The following FAS variants were observed in gnomAD, a reference collection of about 807,000 sequenced individuals.
FAS encodes the protein Fas cell surface death receptor, also known as tumor necrosis factor receptor superfamily member 6.
Under a neutral mutation model 33.2 loss-of-function variants are expected in FAS, and 5 were observed. That is an observed-to-expected ratio of 0.15 (90% CI 0.08 to 0.32). The LOEUF (loss-of-function observed/expected upper bound fraction) is 0.32, where lower values mean the gene tolerates loss of function less well. Ranked by LOEUF, FAS falls within the 10% of genes least tolerant of loss-of-function variation. The pLI is 1.00. For missense variants in FAS, 339 were observed against 386.0 expected (o/e 0.88, Z 1.02); for synonymous variants, 131 against 130.7 (o/e 1.00, Z -0.01).
At chr10:88,985,926 G>C (rs915377909), upstream of FAS, among the ~76,000 whole-genome samples, 1 of 152,220 alleles carries the variant, frequency 6.6e-6, no homozygotes, top group Admixed American at 6.5e-5. Context: ...TTATTGGCAT[G>C]CAGGCAAATA....
chr10:88,976,427 G>A (rs1846566131), intron 2 of FAS, among the ~76,000 whole-genome samples: 1 of 152,172 alleles, frequency 6.6e-6, no homozygotes, highest in Non-Finnish European at 1.5e-5. Context: ...ATAGGCCAAG[G>A]AAAATATATT....
intron 1 of FAS, among the ~76,000 whole-genome samples, chr10:88,995,931 A>G (rs1847560960): frequency 6.6e-6 from 1 of 152,216 alleles, no homozygotes; most frequent in Admixed American, 6.5e-5. Context: ...CAGCCCAGCA[A>G]AGTGAGCAAG....
intron 2 of FAS, among the ~76,000 whole-genome samples, chr10:88,976,286 G>A (rs1846561888): frequency 6.6e-6 from 1 of 152,138 alleles, no homozygotes; most frequent in Non-Finnish European, 1.5e-5. Context: ...GCCATCCTGG[G>A]CTGCATGTGG....
Position 89,014,717 on chromosome 10 carries a change from G to T in FAS, c.*267G>T. ...ATAGGAGTGTATGCAGAGGATGAAA[G>T]ATTAAGATTATGCTCTGGCATCTAA... On this transcript the variant is annotated 3_prime_UTR_variant, in exon 9 of 9. Coordinates refer to ENST00000652046, the MANE Select transcript of FAS (RefSeq NM_000043.6). 1 of 623,446 alleles carries T rather than the reference G, an allele frequency of 1.6e-6. No individual in the cohort carries two copies. The allele number at this position is 623,446 out of a possible 1,614,324, so 38.6% of individuals were successfully genotyped here.
intron 8 of FAS, among the ~76,000 whole-genome samples, chr10:89,013,699 T>C (rs529527598): frequency 2.0e-5 from 3 of 152,344 alleles, no homozygotes; most frequent in Non-Finnish European, 2.9e-5. Context: ...ATTATCAGTG[T>C]ACCCAACTCT....
At chr10:88,968,842 T>C (rs975458363) in intron 1 of FAS, among the ~76,000 whole-genome samples, 7 of 152,180 alleles carry the variant, frequency 4.6e-5, no homozygotes, top group African/African-American at 1.7e-4. Context: ...TTATACCTTA[T>C]TCATCCCTTT....
rs9658693 is a variant in FAS, at chr10:88,996,540, A to G, written c.30+5634A>G. On this transcript the variant is annotated intron_variant, in intron 1 of 8. Transcript: ENST00000652046. ...AGATCTAGTGTACAACTTGATGTCTATAGCTAATAACAATGTATTGTATAC... is the reference window on the plus strand; with the variant it reads ...AGATCTAGTGTACAACTTGATGTCTGTAGCTAATAACAATGTATTGTATAC... Among the ~76,000 whole-genome samples the G allele has an allele frequency of 4.8e-4, 73 of 152,318 alleles. No individual in the cohort carries two copies. The South Asian group carries it at 0.014, about 29-fold the overall frequency.
chr10:89,005,144 G>T (rs1212637912), intron 2 of FAS, among the ~76,000 whole-genome samples: 7 of 131,168 alleles, frequency 5.3e-5, no homozygotes, highest in African/African-American at 1.1e-4. Flanking sequence ...GAGATTATTG[G>T]TATGTTTATG....
intron 1 of FAS, among the ~76,000 whole-genome samples, chr10:88,965,767 G>A (rs373474283): frequency 2.0e-5 from 3 of 152,192 alleles, no homozygotes; most frequent in East Asian, 3.8e-4. Context: ...TAAAGAAACA[G>A]CAGACTCCAT....
At chr10:88,993,974 A>AC (rs1447175558) in intron 1 of FAS, among the ~76,000 whole-genome samples, 1 of 152,204 alleles carries the variant, frequency 6.6e-6, no homozygotes, top group African/African-American at 2.4e-5. Context: ...AAATGGCAGC[A>AC]CCCCCACTAC....
chr10:88,999,989 T>C (rs1847834748), intron 1 of FAS, among the ~76,000 whole-genome samples: 1 of 152,252 alleles, frequency 6.6e-6, no homozygotes, highest in South Asian at 2.1e-4. Context: ...TAAAAAGTTC[T>C]CTTTAGTGTA....
chr10:88,992,846 T>G (rs1449110139), intron 1 of FAS, among the ~76,000 whole-genome samples: 3 of 152,196 alleles, frequency 2.0e-5, no homozygotes, highest in Non-Finnish European at 4.4e-5. Flanking sequence ...GCCTTTATCC[T>G]TAAAGAAGTT....
At chr10:88,981,403 G>T (rs533440198) in intron 2 of FAS, among the ~76,000 whole-genome samples, 2 of 150,922 alleles carry the variant, frequency 1.3e-5, no homozygotes, top group Middle Eastern at 3.4e-3. Context: ...TTAAAGAACT[G>T]GCCATTGCTT....
At chr10:88,983,785 T>A (rs1177549614), upstream of FAS, among the ~76,000 whole-genome samples, 1 of 152,210 alleles carries the variant, frequency 6.6e-6, no homozygotes, top group African/African-American at 2.4e-5. Flanking sequence ...AAAATAAGTT[T>A]GAAGAAATTT....
At chr10:88,967,400 T>C (rs1456825334) in intron 1 of FAS, among the ~76,000 whole-genome samples, 1 of 152,162 alleles carries the variant, frequency 6.6e-6, no homozygotes, top group African/African-American at 2.4e-5. Flanking sequence ...ACCTCAGTTT[T>C]TTCATCTATA....
intron 1 of FAS, among the ~76,000 whole-genome samples, chr10:88,993,317 T>TTTTA (rs397953719): frequency 4.3e-4 from 65 of 151,966 alleles, no homozygotes; most frequent in African/African-American, 1.4e-3. Flanking sequence ...TTTTTTTTTT[T>TTTTA]ATTGTGCATG....
intron 6 of FAS, among the ~76,000 whole-genome samples, chr10:89,011,410 A>G (rs1848521557): frequency 1.3e-5 from 2 of 152,210 alleles, no homozygotes; most frequent in Non-Finnish European, 2.9e-5. Flanking sequence ...ACTTAGAAGT[A>G]TTCAATTTTC....
chr10:89,003,617 C>G (rs924724912), intron 2 of FAS, among the ~76,000 whole-genome samples: 4 of 152,218 alleles, frequency 2.6e-5, no homozygotes, highest in Non-Finnish European at 5.9e-5. Flanking sequence ...TCTAAGAAAG[C>G]TGTCCTGGCA....
At chr10:88,991,031 G>C in intron 1 of FAS, 125 bp downstream of exon 1, 1 of 1,295,940 alleles carries the variant, frequency 7.7e-7, no homozygotes. Context: ...CCTGGGAGCG[G>C]CGGGCTGCTG....
Sources: allele counts gnomAD v4.1 joint callset (sites outside exome capture counted in the v4.1 genomes callset), GRCh38; gene constraint gnomAD v4.1.1; transcripts MANE v1.5; gene names NCBI Gene and HGNC (gene_info 2026-07-23, HGNC 2026-07-21).